The following ARHGAP32 variants were observed in gnomAD, a reference collection of about 807,000 sequenced individuals.
The protein encoded by ARHGAP32 is rho GTPase-activating protein 32.
ARHGAP32 carries 51 observed loss-of-function variants against 186.5 expected under a neutral mutation model. The observed-to-expected ratio is 0.27, with a 90% CI of 0.22 to 0.35. The LOEUF is 0.35. Among genes scored for constraint, ARHGAP32 ranks in the 10% least tolerant of loss-of-function variants. The probability of loss-of-function intolerance (pLI) is 1.00; values close to 1 mark genes in which losing one functional copy is unlikely to be tolerated. For missense variants in ARHGAP32, 2,186 were observed against 2,623.5 expected, an observed-to-expected ratio of 0.83 and a Z score of 3.64; for synonymous variants, 950 against 964.3, an observed-to-expected ratio of 0.99 and a Z score of 0.27.
In ARHGAP32 at chr11:129,204,006, T is replaced by G. The variant is rs1269478041; in HGVS notation, c.-4-39579A>C. 6.8e-5 allele frequency among the ~76,000 whole-genome samples: 10 copies of G among 147,998 alleles called. No homozygotes were observed. The Admixed American group carries it at 6.8e-4, about 10-fold the overall frequency. On this transcript the variant is annotated intron_variant, in intron 1 of 6. Coordinates refer to the ARHGAP32 transcript ENST00000525234. Reference sequence around the variant, plus strand: ...TATACATATGTATGTATAATATATATTTATACTATATAAAATATATAATTA... The same window carrying G: ...TATACATATGTATGTATAATATATAGTTATACTATATAAAATATATAATTA...
intron 1 of ARHGAP32, among the ~76,000 whole-genome samples, chr11:129,262,858 C>T (rs986976788): frequency 3.3e-5 from 5 of 152,066 alleles, no homozygotes; most frequent in Admixed American, 6.6e-5. Context: ...TCAAGGTTAA[C>T]GAATTCTTTT....
chr11:128,972,768 G>C lies in ARHGAP32; in HGVS notation c.3738C>G (p.Asp1246Glu). ...GTAAATTAGGAGGTGTGGGAGATTT[G>C]TCTGCAAATTCTAAAGGGTGATGGA... ...DKLHHPLEFA[D>E]KSPTPPNLPS... The change falls in exon 22 of 23, where the codon GAC becomes GAG. Residue 1246 changes from aspartate (D) to glutamate (E), a missense_variant. Transcript: ENST00000682385. 1 of 1,613,968 alleles carries C rather than the reference G, an allele frequency of 6.2e-7. No individual in the cohort carries two copies. Among genetic ancestry groups the C allele is most frequent in the Non-Finnish European group, 8.5e-7 (1 of 1,179,992 alleles).
chr11:129,212,785 T>C (rs1944597115), intron 1 of ARHGAP32, among the ~76,000 whole-genome samples: 1 of 152,208 alleles, frequency 6.6e-6, no homozygotes, highest in South Asian at 2.1e-4. Flanking sequence ...TCATTAAACA[T>C]TGTATGCATG....
At chr11:129,016,103 T>C (rs1040045771) in intron 11 of ARHGAP32, among the ~76,000 whole-genome samples, 4 of 152,232 alleles carry the variant, frequency 2.6e-5, no homozygotes. Context: ...TTCACTTTAA[T>C]ACGCATTTCT....
intron 11 of ARHGAP32, among the ~76,000 whole-genome samples, chr11:129,035,529 AT>A (rs1939295027): frequency 6.6e-6 from 1 of 152,258 alleles, no homozygotes; most frequent in African/African-American, 2.4e-5. Context: ...CAGAATTCAC[AT>A]CATCCTTTTC....
At chr11:129,008,326 T>C (rs924212662) in intron 11 of ARHGAP32, among the ~76,000 whole-genome samples, 2 of 152,118 alleles carry the variant, frequency 1.3e-5, no homozygotes, top group African/African-American at 4.8e-5. Context: ...TATTATACAG[T>C]AGTGAGTGAA....
At chr11:129,148,142 G>A (rs141647399) in intron 2 of ARHGAP32, among the ~76,000 whole-genome samples, 68 of 152,332 alleles carry the variant, frequency 4.5e-4, no homozygotes, top group African/African-American at 1.6e-3. Flanking sequence ...ACAGAACAGT[G>A]TGTGGAGAAC....
At chr11:128,978,527 ACACTATATAT>A (rs1161221064) in intron 19 of ARHGAP32, among the ~76,000 whole-genome samples, 1 of 152,196 alleles carries the variant, frequency 6.6e-6, no homozygotes, top group South Asian at 2.1e-4. Flanking sequence ...AATCACATTT[ACACTATATAT>A]AATCTATATA....
intron 6 of ARHGAP32, among the ~76,000 whole-genome samples, chr11:129,086,808 G>T (rs760945916): frequency 1.5e-5 from 2 of 130,828 alleles, no homozygotes; most frequent in South Asian, 5.1e-4. Context: ...GCGACAGAGT[G>T]AGACTCCATC....
chr11:128,994,315 C>T (rs987352525), intron 12 of ARHGAP32, among the ~76,000 whole-genome samples: 7 of 151,918 alleles, frequency 4.6e-5, no homozygotes, highest in East Asian at 1.9e-4. Flanking sequence ...CCACCACACC[C>T]GGCCACTTTT....
chr11:129,025,763 T>C (rs973281484), intron 11 of ARHGAP32, among the ~76,000 whole-genome samples: 22 of 151,324 alleles, frequency 1.5e-4, no homozygotes, highest in African/African-American at 5.3e-4. Flanking sequence ...CTTAGAACAA[T>C]CTGTAAGCCC....
At chr11:129,227,915 A>C (rs1462546922) in intron 1 of ARHGAP32, among the ~76,000 whole-genome samples, 1 of 152,176 alleles carries the variant, frequency 6.6e-6, no homozygotes, top group Non-Finnish European at 1.5e-5. Context: ...ATTTTACCCA[A>C]CAACAATAAT....
chr11:128,973,809 A>G, intron 21 of ARHGAP32: 1 of 517,344 alleles, frequency 1.9e-6, no homozygotes. Context: ...GAAGGCTACA[A>G]TAAAGATATT....
chr11:129,024,986 C>A (rs1938770199), intron 11 of ARHGAP32, among the ~76,000 whole-genome samples: 1 of 152,028 alleles, frequency 6.6e-6, no homozygotes. Context: ...ATTGAAGAAA[C>A]AAATGAATTG....
chr11:129,042,766 G>A (rs1227338408), intron 10 of ARHGAP32, among the ~76,000 whole-genome samples: 1 of 152,224 alleles, frequency 6.6e-6, no homozygotes, highest in East Asian at 1.9e-4. Flanking sequence ...CCAGCAGAGA[G>A]AGCTGGAGGA....
At chr11:129,199,308 T>C (rs1245754354) in intron 1 of ARHGAP32, among the ~76,000 whole-genome samples, 4 of 152,164 alleles carry the variant, frequency 2.6e-5, no homozygotes, top group African/African-American at 7.2e-5. Context: ...ACCAAGACAA[T>C]GGGGAAAATG....
chr11:129,217,588 T>C (rs559618865), intron 1 of ARHGAP32, among the ~76,000 whole-genome samples: 1 of 152,318 alleles, frequency 6.6e-6, no homozygotes, highest in African/African-American at 2.4e-5. Context: ...TTATATATCA[T>C]GAATCACAGA....
At chr11:129,247,999 A>G (rs1472925675) in intron 1 of ARHGAP32, among the ~76,000 whole-genome samples, 1 of 152,200 alleles carries the variant, frequency 6.6e-6, no homozygotes, top group African/African-American at 2.4e-5. Flanking sequence ...CAATCTGACC[A>G]AATCATAGCA....
chr11:129,066,895 T>A, intron 6 of ARHGAP32, 27 bp from the exon 7 acceptor site: 1 of 1,554,292 alleles, frequency 6.4e-7, no homozygotes, highest in East Asian at 2.3e-5. Flanking sequence ...GAAACTCATA[T>A]AATTCACCTC....
Sources: allele counts gnomAD v4.1 joint callset (sites outside exome capture counted in the v4.1 genomes callset), GRCh38; gene constraint gnomAD v4.1.1; transcripts MANE v1.5; gene names NCBI Gene and HGNC (gene_info 2026-07-23, HGNC 2026-07-21).